UNC5C: variants seen among roughly 807,000 people sequenced by gnomAD.
UNC5C encodes the protein netrin receptor UNC5C.
A neutral mutation model predicts 99.8 loss-of-function variants in UNC5C; 47 were observed. That is an observed-to-expected ratio of 0.47 (90% CI 0.37 to 0.60). The LOEUF (loss-of-function observed/expected upper bound fraction) is 0.60, where lower values mean the gene tolerates loss of function less well. Ranked by LOEUF, UNC5C falls within the 20% of genes least tolerant of loss-of-function variation. UNC5C has a pLI of 0.00. For missense variants in UNC5C, 1,062 were observed against 1,165.9 expected, an observed-to-expected ratio of 0.91 and a Z score of 1.30; for synonymous variants, 487 against 452.2, an observed-to-expected ratio of 1.08 and a Z score of -0.98.
intron 1 of UNC5C, among the ~76,000 whole-genome samples, chr4:95,367,427 C>T (rs1412675932): frequency 2.0e-5 from 3 of 152,108 alleles, no homozygotes; most frequent in Non-Finnish European, 4.4e-5. Flanking sequence ...GATCCTCCCA[C>T]CTTGGCCTCC....
intron 1 of UNC5C, among the ~76,000 whole-genome samples, chr4:95,530,270 T>C (rs983215151): frequency 6.6e-6 from 1 of 152,152 alleles, no homozygotes; most frequent in Non-Finnish European, 1.5e-5. Flanking sequence ...TAATGATAAA[T>C]ATATAGTTAG....
At chr4:95,285,822 G>A (rs1351056603) in intron 3 of UNC5C, among the ~76,000 whole-genome samples, 1 of 152,126 alleles carries the variant, frequency 6.6e-6, no homozygotes, top group Admixed American at 6.5e-5. Flanking sequence ...ATGCGGGTAT[G>A]TGTCTAGTGG....
intron 12 of UNC5C, among the ~76,000 whole-genome samples, chr4:95,192,578 A>C (rs1006331210): frequency 7.5e-5 from 7 of 93,918 alleles, no homozygotes; most frequent in African/African-American, 2.2e-4. Context: ...TCCCCTGCTC[A>C]CCTCCTCACC....
rs1382203082 is a variant in UNC5C, at chr4:95,168,394, TAAAA to T, written c.*836_*839del. The stretch of plus-strand genomic sequence containing the variant: ...AGCACTGCTAACAAAAATAGAAATT[TAAAA>T]AAATCATTTTACCAGAATACCTGTA... On this transcript the variant is annotated 3_prime_UTR_variant, in exon 16 of 16. Coordinates refer to ENST00000453304, the MANE Select transcript of UNC5C (RefSeq NM_003728.4). The T allele has an allele frequency of 6.6e-6, 1 of 152,024 alleles. No individual in the cohort carries two copies. The highest frequency in any genetic ancestry group is 1.5e-5 in the Non-Finnish European group (1 of 67,962). 9.4% of individuals were successfully genotyped at this position (152,024 alleles called of 1,614,324 possible).
intron 1 of UNC5C, among the ~76,000 whole-genome samples, chr4:95,369,278 T>C (rs1433499362): frequency 1.3e-5 from 2 of 152,056 alleles, no homozygotes; most frequent in Admixed American, 6.5e-5. Flanking sequence ...AGGCCAGGTG[T>C]GGTGGCTCAC....
At position 95,386,087 on chromosome 4, in the gene UNC5C, T is replaced by C. The variant is rs568515632; in HGVS notation, c.125-50456A>G. 8.1e-4 allele frequency among the ~76,000 whole-genome samples: 123 copies of C among 152,274 alleles called. 1 individual carries two copies. The highest frequency in any genetic ancestry group is 2.9e-3 in the African/African-American group (119 of 41,564). On this transcript the variant is annotated intron_variant, in intron 1 of 15. Coordinates refer to ENST00000453304, the MANE Select transcript of UNC5C (RefSeq NM_003728.4). ...GTCTTGACCCACTTCTGACCAGCCA[T>C]TGTAACCTGCAGTCAGTGTTTCTCC...
intron 4 of UNC5C, among the ~76,000 whole-genome samples, chr4:95,252,762 A>G (rs1222047281): frequency 6.6e-6 from 1 of 152,190 alleles, no homozygotes; most frequent in African/African-American, 2.4e-5. Context: ...TGCAGTCAAA[A>G]TGCAGGTGCG....
chr4:95,270,230 A>G (rs1224749160), intron 4 of UNC5C, among the ~76,000 whole-genome samples: 2 of 152,218 alleles, frequency 1.3e-5, no homozygotes, highest in Non-Finnish European at 2.9e-5. Context: ...CTCTCTTGCT[A>G]AAAACCAGAG....
At chr4:95,331,526 A>C (rs1198272119) in intron 2 of UNC5C, among the ~76,000 whole-genome samples, 1 of 152,092 alleles carries the variant, frequency 6.6e-6, no homozygotes, top group Non-Finnish European at 1.5e-5. Flanking sequence ...TTCTGGATGA[A>C]AATGAAAGCT....
At chr4:95,338,760 C>T (rs1057508290) in intron 1 of UNC5C, among the ~76,000 whole-genome samples, 7 of 151,980 alleles carry the variant, frequency 4.6e-5, no homozygotes. Context: ...TTTGATCATT[C>T]CTAAGAGATT....
At chr4:95,204,669 GAGTC>G (rs1346633617) in intron 11 of UNC5C, among the ~76,000 whole-genome samples, 1 of 152,266 alleles carries the variant, frequency 6.6e-6, no homozygotes, top group Non-Finnish European at 1.5e-5. Flanking sequence ...TCAGAGACAA[GAGTC>G]AGTCAGTCTC....
At chr4:95,329,618 G>A (rs1424834081) in intron 2 of UNC5C, among the ~76,000 whole-genome samples, 1 of 152,090 alleles carries the variant, frequency 6.6e-6, no homozygotes. Flanking sequence ...CCTGTATCTT[G>A]TTATATCAAC....
intron 2 of UNC5C, among the ~76,000 whole-genome samples, chr4:95,321,530 T>A (rs1742692020): frequency 6.6e-6 from 1 of 152,098 alleles, no homozygotes. Flanking sequence ...TGCAGCTGAG[T>A]TTATGTTGGC....
At chr4:95,426,461 G>A (rs1201497183) in intron 1 of UNC5C, among the ~76,000 whole-genome samples, 1 of 152,174 alleles carries the variant, frequency 6.6e-6, no homozygotes, top group African/African-American at 2.4e-5. Flanking sequence ...TCAAGTGAAA[G>A]GAAGATTTGC....
intron 2 of UNC5C, among the ~76,000 whole-genome samples, chr4:95,315,695 G>A (rs1269310717): frequency 3.9e-5 from 6 of 152,138 alleles, no homozygotes; most frequent in African/African-American, 9.7e-5. Context: ...ATGGATCATA[G>A]TAAATAATAT....
At chr4:95,258,775 G>A (rs1419137364) in intron 4 of UNC5C, among the ~76,000 whole-genome samples, 1 of 53,328 alleles carries the variant, frequency 1.9e-5, no homozygotes, top group Non-Finnish European at 3.9e-5. Context: ...TTTTTTTTGA[G>A]ACGGAGTCTC....
At chr4:95,176,517 C>G (rs574969317) in intron 14 of UNC5C, among the ~76,000 whole-genome samples, 40 of 152,172 alleles carry the variant, frequency 2.6e-4, no homozygotes, top group Admixed American at 5.2e-4. Context: ...AGGTGTCAGT[C>G]TGCCCCTGCT....
Position 95,216,014 on chromosome 4 carries a change from A to T in UNC5C, c.1733+110T>A, listed in dbSNP as rs1314694886. 7.5e-6 allele frequency: 6 copies of T among 796,242 alleles called. No homozygotes were observed. In the African/African-American group the frequency reaches 8.9e-5, roughly 12 times the overall value. The allele number at this position is 796,242 out of a possible 1,614,324, so 49.3% of individuals were successfully genotyped here. A position where few individuals can be genotyped will look rare whatever the true frequency, so the allele number is the denominator to read the frequency against. ...GGTCAAGGGAAAAAGAATGTATGCC[A>T]GAAGCAAGGCACTTGAGACAAAAAT... is the stretch of plus-strand genomic sequence containing the variant. On this transcript the variant is annotated intron_variant, in intron 10 of 15. Coordinates refer to ENST00000453304, the MANE Select transcript of UNC5C (RefSeq NM_003728.4).
At chr4:95,301,966 T>G (rs1259473381) in intron 2 of UNC5C, among the ~76,000 whole-genome samples, 1 of 152,224 alleles carries the variant, frequency 6.6e-6, no homozygotes, top group Non-Finnish European at 1.5e-5. Flanking sequence ...TTCTGGATTA[T>G]TCTGAGGATG....
Sources: gnomAD v4.1 joint callset for allele counts (sites outside exome capture counted in the v4.1 genomes callset) on GRCh38, gnomAD v4.1.1 for gene constraint, MANE v1.5 for transcripts, NCBI Gene and HGNC (gene_info 2026-07-23, HGNC 2026-07-21) for gene names.